Variants in MEMO1 observed in about 807,000 individuals in gnomAD.
The protein encoded by MEMO1 is protein MEMO1.
MEMO1 carries 6 observed loss-of-function variants against 45.2 expected under a neutral mutation model. The ratio of observed to expected loss-of-function variants is 0.13; its 90% confidence interval spans 0.07 to 0.26. MEMO1 has a LOEUF of 0.26. Among genes scored for constraint, MEMO1 ranks in the 10% least tolerant of loss-of-function variants. The pLI is 1.00. For missense variants in MEMO1, 184 were observed against 370.5 expected, an observed-to-expected ratio of 0.50 and a Z score of 4.13; for synonymous variants, 78 against 124.3, an observed-to-expected ratio of 0.63 and a Z score of 2.48.
At chr2:31,952,464 A>G (rs1666949930) in intron 2 of MEMO1, among the ~76,000 whole-genome samples, 1 of 152,218 alleles carries the variant, frequency 6.6e-6, no homozygotes, top group Non-Finnish European at 1.5e-5. Flanking sequence ...TTTCGTACCC[A>G]AAAGAGCTAC....
intron 2 of MEMO1, among the ~76,000 whole-genome samples, chr2:31,964,924 T>C (rs1250972443): frequency 1.3e-5 from 2 of 151,702 alleles, no homozygotes; most frequent in Non-Finnish European, 2.9e-5. Context: ...GATGAAATGA[T>C]ATGGTGAGGC....
intron 3 of MEMO1, 59 bp from the exon 4 acceptor site, chr2:31,932,194 A>T: frequency 6.9e-7 from 1 of 1,451,432 alleles, no homozygotes; most frequent in African/African-American, 1.4e-5. Flanking sequence ...ATATTCTAGA[A>T]AGAAAAACCT....
chr2:31,932,846 A>G (rs146906247), intron 3 of MEMO1, among the ~76,000 whole-genome samples: 26 of 152,326 alleles, frequency 1.7e-4, no homozygotes, highest in Non-Finnish European at 2.9e-4. Context: ...TACAACTATT[A>G]TAACAACTCA....
At chr2:31,872,457 A>G (rs1017197379) in intron 8 of MEMO1, among the ~76,000 whole-genome samples, 4 of 152,316 alleles carry the variant, frequency 2.6e-5, no homozygotes, top group African/African-American at 9.6e-5. Flanking sequence ...GTACATTTTA[A>G]TATTAAAATC....
At chr2:31,965,298 A>ACGG (rs1668484679) in intron 2 of MEMO1, among the ~76,000 whole-genome samples, 1 of 148,628 alleles carries the variant, frequency 6.7e-6, no homozygotes, top group Non-Finnish European at 1.5e-5. Context: ...GGAAGAAGGG[A>ACGG]AGGAGGGAAG....
chr2:32,008,515 C>G (rs903419179), intron 2 of MEMO1, among the ~76,000 whole-genome samples: 3 of 151,582 alleles, frequency 2.0e-5, no homozygotes, highest in African/African-American at 7.3e-5. Context: ...ACCCAGGAGG[C>G]GGAGGTTGCA....
In MEMO1 at chr2:31,933,333, A is replaced by T. The variant is rs1272331866; in HGVS notation, c.144-1198T>A. 1.9e-3 allele frequency among the ~76,000 whole-genome samples: 120 copies of T among 62,440 alleles called. 1 individual carries two copies. Among genetic ancestry groups the T allele is most frequent in the Non-Finnish European group, 2.7e-3 (97 of 35,834 alleles). The allele number at this position is 62,440 out of a possible 152,430, so 41.0% of individuals were successfully genotyped here. On this transcript the variant is annotated intron_variant, in intron 3 of 9. Transcript: ENST00000404530. ...CCACCTCTTTAAAAAAAAAAAAAAA[A>T]AAAAAAAAAAAAAAAATTTATATAT... is the stretch of plus-strand genomic sequence containing the variant.
chr2:31,992,560 G>C (rs577611138), intron 2 of MEMO1, among the ~76,000 whole-genome samples: 1 of 152,332 alleles, frequency 6.6e-6, no homozygotes, highest in South Asian at 2.1e-4. Context: ...GAGGTGGGTG[G>C]ATCACCTGAG....
rs11899244 is a variant in MEMO1, at chr2:31,998,977, T to C, written c.61+11210A>G. 1.0e-3 allele frequency among the ~76,000 whole-genome samples: 156 copies of C among 152,296 alleles called. 1 individual carries two copies. Among genetic ancestry groups the C allele is most frequent in the Middle Eastern group, 3.4e-3 (1 of 294 alleles). ...CTTCCCCCGCCAAACTTGTTCCTCT[T>C]AGATCTTCCCTATCTCAGTATAATA... On this transcript the variant is annotated intron_variant, in intron 2 of 9. Transcript: ENST00000404530.
At chr2:31,969,586 GGTGTGTGTGTGTGTGTGTGTGTGT>G (rs367639470) in intron 2 of MEMO1, among the ~76,000 whole-genome samples, 16 of 119,264 alleles carry the variant, frequency 1.3e-4, no homozygotes, top group Admixed American at 3.4e-4. Flanking sequence ...TGTGTGTGTG[GGTGTGTGTGTGTGTGTGTGTGTGT>G]GTGTGTGTGT....
intron 2 of MEMO1, among the ~76,000 whole-genome samples, chr2:31,970,614 T>C (rs541130407): frequency 8.6e-5 from 13 of 151,662 alleles, no homozygotes; most frequent in African/African-American, 2.7e-4. Context: ...AAATGCACTA[T>C]CATTCCCACC....
At chr2:31,987,243 C>G (rs1671374069) in intron 2 of MEMO1, among the ~76,000 whole-genome samples, 1 of 152,178 alleles carries the variant, frequency 6.6e-6, no homozygotes, top group African/African-American at 2.4e-5. Context: ...CCTCAATCCT[C>G]CCACCTCAGC....
intron 2 of MEMO1, among the ~76,000 whole-genome samples, chr2:31,943,881 C>T (rs576442342): frequency 6.6e-6 from 1 of 152,276 alleles, no homozygotes; most frequent in East Asian, 1.9e-4. Context: ...ACTACGCTAC[C>T]TTAAAAATCT....
intron 8 of MEMO1, among the ~76,000 whole-genome samples, chr2:31,876,113 A>T (rs1674523341): frequency 6.6e-6 from 1 of 152,118 alleles, no homozygotes; most frequent in Non-Finnish European, 1.5e-5. Flanking sequence ...CTTACCTTCA[A>T]TTATTACCCT....
chr2:31,869,946 T>G lies in MEMO1; in HGVS notation c.664A>C (p.Ser222Arg). 6.9e-7 allele frequency: 1 copy of G among 1,449,388 alleles called. No individual in the cohort carries two copies. Among genetic ancestry groups the G allele is most frequent in the Non-Finnish European group, 9.1e-7 (1 of 1,100,134 alleles). 89.8% of individuals were successfully genotyped at this position (1,449,388 alleles called of 1,614,324 possible). A position where few individuals can be genotyped will look rare whatever the true frequency, so the allele number is the denominator to read the frequency against. Reference protein sequence around the residue: ...SIEHLDKMGMSIIEQLDPVSF... With the variant: ...SIEHLDKMGMRIIEQLDPVSF... The stretch of plus-strand genomic sequence containing the variant: ...ACAGGGTCTAATTGTTCTATAATAC[T>G]CATACCCTAAAAAAAAAAAAAAAGA... Residue 222 changes from serine to arginine, a missense_variant, in exon 9 of 10, where the codon AGT becomes CGT. Transcript: ENST00000404530.
chr2:31,921,590 A>T (rs1682317138), intron 4 of MEMO1, among the ~76,000 whole-genome samples: 1 of 152,202 alleles, frequency 6.6e-6, no homozygotes, highest in Admixed American at 6.5e-5. Flanking sequence ...TATGCATTTA[A>T]GCTACTAAAA....
intron 2 of MEMO1, among the ~76,000 whole-genome samples, chr2:32,005,673 C>T (rs1031296020): frequency 6.6e-5 from 10 of 152,026 alleles, no homozygotes; most frequent in African/African-American, 1.7e-4. Context: ...TCAGCCCCAC[C>T]GCTCTTCAGA....
At chr2:31,981,830 A>C (rs1670674662) in intron 2 of MEMO1, among the ~76,000 whole-genome samples, 1 of 152,216 alleles carries the variant, frequency 6.6e-6, no homozygotes, top group South Asian at 2.1e-4. Flanking sequence ...ATACATACAC[A>C]CATTTTTTTC....
chr2:31,997,174 T>C (rs533861667), intron 2 of MEMO1, among the ~76,000 whole-genome samples: 1 of 152,222 alleles, frequency 6.6e-6, no homozygotes, highest in East Asian at 1.9e-4. Context: ...TTCCAAATTT[T>C]CTGAAAACTA....
Sources: gnomAD v4.1 joint callset for allele counts (sites outside exome capture counted in the v4.1 genomes callset) on GRCh38, gnomAD v4.1.1 for gene constraint, MANE v1.5 for transcripts, NCBI Gene and HGNC (gene_info 2026-07-23, HGNC 2026-07-21) for gene names.